RNF157: variants seen among roughly 807,000 people sequenced by gnomAD.
The protein encoded by RNF157 is E3 ubiquitin ligase RNF157.
In RNF157, 55 loss-of-function variants were observed where a neutral mutation model predicts 88.3. The observed-to-expected ratio is 0.62, with a 90% CI of 0.50 to 0.78. The LOEUF is 0.78. Ranked by LOEUF, RNF157 falls within the 30% of genes least tolerant of loss-of-function variation. RNF157 has a pLI of 0.00. For synonymous variants in RNF157, 334 were observed against 341.2 expected, an observed-to-expected ratio of 0.98 and a Z score of 0.23; for missense variants, 788 against 860.8, an observed-to-expected ratio of 0.92 and a Z score of 1.06.
Position 76,240,085 on chromosome 17 carries a change from C to A in RNF157, c.88+68G>T. The A allele has an allele frequency of 1.0e-6, 1 of 995,766 alleles. No individual in the cohort carries two copies. 61.7% of individuals were successfully genotyped at this position (995,766 alleles called of 1,614,324 possible). ...GAAGACCCGCGGGGCCCCCTCAGGC[C>A]GTCCCGACCCAGACCCCTGCCCCTG... On this transcript the variant is annotated intron_variant, in intron 1 of 18. Transcript: ENST00000269391. The surrounding 1 kb of genome is among the most constrained non-coding windows in gnomAD (Gnocchi z 4.4).
rs2144791732 is a variant in RNF157 at position 76,149,161 on chromosome 17, G to A, written c.1921+3194C>T. Reference sequence around the variant, plus strand: ...AAGACCCAGAAGCTTCTTAGGGGGAGAGGGCTAGAATGACAAAAGTGCCTC... The same window carrying A: ...AAGACCCAGAAGCTTCTTAGGGGGAAAGGGCTAGAATGACAAAAGTGCCTC... On this transcript the variant is annotated intron_variant, in intron 18 of 18. Coordinates refer to ENST00000269391, the MANE Select transcript of RNF157 (RefSeq NM_052916.3). 3.3e-5 allele frequency among the ~76,000 whole-genome samples: 5 copies of A among 152,164 alleles called. No homozygotes were observed. The Middle Eastern group carries it at 0.01, about 311-fold the overall frequency.
intron 1 of RNF157, among the ~76,000 whole-genome samples, chr17:76,231,212 T>C (rs2070186832): frequency 6.6e-6 from 1 of 152,164 alleles, no homozygotes; most frequent in Non-Finnish European, 1.5e-5. Context: ...TTAGCCAGGA[T>C]GGTCTCGATC....
chr17:76,183,674 A>G lies in RNF157; in HGVS notation c.208-9884T>C, dbSNP rs563309921. Among the ~76,000 whole-genome samples, 45 of 152,314 alleles carry G rather than the reference A, an allele frequency of 3.0e-4. No homozygotes were observed. The East Asian group carries it at 7.5e-3, about 25-fold the overall frequency. The stretch of plus-strand genomic sequence containing the variant: ...AAAAAACATTTATGGATATAGAATA[A>G]TTATAGCTTTCTACATTTATTAGCT... On this transcript the variant is annotated intron_variant, in intron 2 of 18. Transcript: ENST00000269391.
chr17:76,159,748 C>T (rs561791488), intron 11 of RNF157, among the ~76,000 whole-genome samples, 175 bp from the exon 12 acceptor site: 1 of 152,152 alleles, frequency 6.6e-6, no homozygotes, highest in Admixed American at 6.5e-5. Context: ...CACTGTAGAT[C>T]CTGCTTATTG....
At chr17:76,226,654 G>A (rs1475726659) in intron 1 of RNF157, 11 of 1,612,454 alleles carry the variant, frequency 6.8e-6, no homozygotes, top group Admixed American at 3.3e-5. Context: ...TAGCCTTGTC[G>A]CTGGAGAACC....
chr17:76,187,385 C>G (rs914785279), intron 2 of RNF157, among the ~76,000 whole-genome samples: 3 of 151,622 alleles, frequency 2.0e-5, no homozygotes, highest in African/African-American at 7.3e-5. Flanking sequence ...GGGGTTTCAT[C>G]ATGTTGGCCA....
rs985704517 is a variant in RNF157, at chr17:76,145,598, G to A, written c.1922-245C>T. The A allele has an allele frequency of 8.0e-5, 35 of 435,960 alleles. No homozygotes were observed. In the South Asian group the frequency reaches 1.8e-3, roughly 22 times the overall value. The allele number at this position is 435,960 out of a possible 1,614,324, so 27.0% of individuals were successfully genotyped here. On this transcript the variant is annotated intron_variant, in intron 18 of 18. Coordinates refer to ENST00000269391, the MANE Select transcript of RNF157 (RefSeq NM_052916.3). Reference sequence around the variant, plus strand: ...ACTGCCACTGTGGCTCCCGGACAGGGAGGGACATGAAAGATGTTCCTTGTT... The same window carrying A: ...ACTGCCACTGTGGCTCCCGGACAGGAAGGGACATGAAAGATGTTCCTTGTT...
At chr17:76,188,618 T>C (rs2069332773) in intron 2 of RNF157, among the ~76,000 whole-genome samples, 1 of 152,184 alleles carries the variant, frequency 6.6e-6, no homozygotes. Context: ...CAATGCATGC[T>C]AGTATCTCCC....
At chr17:76,178,819 T>C (rs2069144969) in intron 2 of RNF157, among the ~76,000 whole-genome samples, 1 of 152,154 alleles carries the variant, frequency 6.6e-6, no homozygotes, top group African/African-American at 2.4e-5. Flanking sequence ...GAGGTTATTT[T>C]TCTCTCTTTT....
In RNF157 at chr17:76,173,754, T is replaced by C. The variant is rs372177156; in HGVS notation, c.244A>G (p.Lys82Glu). 6.2e-7 allele frequency: 1 copy of C among 1,611,230 alleles called. No individual in the cohort carries two copies. The highest frequency in any genetic ancestry group is 1.3e-5 in the African/African-American group (1 of 74,960). Residue 82 changes from lysine to glutamate, a missense_variant, in exon 3 of 19, where the codon AAG (lysine) becomes GAG (glutamate). Lys to Glu is a moderately conservative substitution (Grantham distance 56). Transcript: ENST00000269391. ...ATATTGACCAGGCTTCTCAGAGTCT[T>C]CACGGGTTCTTGGGGAGGTGGGGCG... is the stretch of plus-strand genomic sequence containing the variant. ...YAAPPPQEPV[K>E]TLRSLVNIRK...
intron 1 of RNF157, among the ~76,000 whole-genome samples, chr17:76,222,911 G>C (rs1477344905): frequency 6.7e-6 from 1 of 149,748 alleles, no homozygotes; most frequent in Non-Finnish European, 1.5e-5. Flanking sequence ...TTTTTTTTGA[G>C]ACAGAGTCTC....
chr17:76,209,482 GTTT>G (rs11439973), intron 2 of RNF157, among the ~76,000 whole-genome samples: 2 of 146,718 alleles, frequency 1.4e-5, no homozygotes, highest in Non-Finnish European at 3.0e-5. Flanking sequence ...ATTTTTTTGC[GTTT>G]TTTTTTTTCT....
chr17:76,152,550 G>A, intron 17 of RNF157, 85 bp from the exon 18 acceptor site: 6 of 792,544 alleles, frequency 7.6e-6, no homozygotes, highest in Middle Eastern at 2.3e-4. Context: ...CTTAAGGATG[G>A]AGACAAAAAA....
intron 2 of RNF157, among the ~76,000 whole-genome samples, chr17:76,206,704 G>A (rs534109643): frequency 5.5e-4 from 84 of 152,272 alleles, no homozygotes; most frequent in African/African-American, 1.9e-3. Flanking sequence ...CTGCAATGGC[G>A]TGATCTTGGG....
At chr17:76,182,871 A>G (rs546214726) in intron 2 of RNF157, among the ~76,000 whole-genome samples, 9 of 145,388 alleles carry the variant, frequency 6.2e-5, no homozygotes, top group Non-Finnish European at 1.5e-5. Context: ...TATATCCTAT[A>G]TATCATAATA....
chr17:76,158,607 A>G lies in RNF157; in HGVS notation c.1305-106T>C. The G allele has an allele frequency of 8.1e-6, 6 of 742,810 alleles. No homozygotes were observed. The Admixed American group carries it at 8.2e-5, about 10-fold the overall frequency. 46.0% of individuals were successfully genotyped at this position (742,810 alleles called of 1,614,324 possible). On this transcript the variant is annotated intron_variant, in intron 12 of 18. Coordinates refer to ENST00000269391, the MANE Select transcript of RNF157 (RefSeq NM_052916.3). ...AAACCCAAATATTTTTTGCTTGTTTATTTTTTGAGACAGCATCTCATTATG... is the reference window on the plus strand; with the variant it reads ...AAACCCAAATATTTTTTGCTTGTTTGTTTTTTGAGACAGCATCTCATTATG...
Position 76,157,111 on chromosome 17 carries a change from T to C in RNF157, c.1414-790A>G, listed in dbSNP as rs374332739. ...CCTCCCGAGTAGCTGGGACTACAGG[T>C]GCATGCCACCACACCTGGCTAATTT... On this transcript the variant is annotated intron_variant, in intron 13 of 18. Coordinates refer to ENST00000269391, the MANE Select transcript of RNF157 (RefSeq NM_052916.3). This position sits in a 1 kb window ranked among gnomAD's most constrained non-coding sequence, Gnocchi z 5.6. 6.6e-5 allele frequency among the ~76,000 whole-genome samples: 10 copies of C among 151,294 alleles called. No homozygotes were observed. Among genetic ancestry groups the C allele is most frequent in the South Asian group, 6.2e-4 (3 of 4,824 alleles).
chr17:76,194,754 A>G (rs4789250), intron 2 of RNF157, among the ~76,000 whole-genome samples: 52,473 of 152,026 alleles, frequency 0.35, 10,080 homozygotes, highest in East Asian at 0.71. Flanking sequence ...GGTGGCTCAC[A>G]CCTGTAATCC....
intron 2 of RNF157, among the ~76,000 whole-genome samples, chr17:76,180,854 G>T (rs1241616417): frequency 2.0e-5 from 3 of 152,198 alleles, no homozygotes; most frequent in African/African-American, 4.8e-5. Context: ...CCGCCATCCA[G>T]CTCTAGTTTA....
Sources: allele counts gnomAD v4.1 joint callset (sites outside exome capture counted in the v4.1 genomes callset), GRCh38; gene constraint gnomAD v4.1.1; non-coding constraint Gnocchi (gnomAD v3.1); transcripts MANE v1.5; gene names NCBI Gene and HGNC (gene_info 2026-07-23, HGNC 2026-07-21).